TRPM3: variants seen among roughly 807,000 people sequenced by gnomAD.
TRPM3 encodes long transient receptor potential channel 3.
TRPM3 carries 77 observed loss-of-function variants against 181.2 expected under a neutral mutation model. That is an observed-to-expected ratio of 0.42 (90% CI 0.35 to 0.51). The LOEUF (loss-of-function observed/expected upper bound fraction) is 0.51. TRPM3 is among the 20% of genes least tolerant of loss of function. The probability of loss-of-function intolerance (pLI) is 0.01; values close to 1 mark genes in which losing one functional copy is unlikely to be tolerated. For synonymous variants in TRPM3, 745 were observed against 796.4 expected, an observed-to-expected ratio of 0.94 and a Z score of 1.09; for missense variants, 1,759 against 2,196.7, an observed-to-expected ratio of 0.80 and a Z score of 3.98.
chr9:71,047,605 A>G (rs1176901348), intron 1 of TRPM3, among the ~76,000 whole-genome samples: 2 of 152,218 alleles, frequency 1.3e-5, no homozygotes, highest in African/African-American at 4.8e-5. Flanking sequence ...CCTCTGGATA[A>G]GATGAACATG....
intron 1 of TRPM3, among the ~76,000 whole-genome samples, chr9:71,387,089 C>A (rs951984151): frequency 2.0e-5 from 3 of 151,930 alleles, no homozygotes; most frequent in South Asian, 2.1e-4. Context: ...GGGAAAGAGA[C>A]CGAGTATGAA....
intron 1 of TRPM3, among the ~76,000 whole-genome samples, chr9:70,903,864 C>CA (rs1204322915): frequency 1.3e-5 from 2 of 151,440 alleles, no homozygotes; most frequent in Non-Finnish European, 2.9e-5. Flanking sequence ...CTCAAGAATA[C>CA]AAAAAAGAAT....
chr9:71,230,433 T>G (rs990584643), intron 1 of TRPM3, among the ~76,000 whole-genome samples: 2 of 152,038 alleles, frequency 1.3e-5, no homozygotes, highest in African/African-American at 4.8e-5. Flanking sequence ...AGTCAATAAT[T>G]TAACTGTACA....
chr9:71,134,364 C>T (rs909020223), intron 1 of TRPM3, among the ~76,000 whole-genome samples: 2 of 151,910 alleles, frequency 1.3e-5, no homozygotes, highest in Non-Finnish European at 2.9e-5. Flanking sequence ...CCATCCTGGC[C>T]AACATGGTGA....
At chr9:70,700,068 C>T (rs1187551588) in intron 8 of TRPM3, among the ~76,000 whole-genome samples, 1 of 152,046 alleles carries the variant, frequency 6.6e-6, no homozygotes, top group Non-Finnish European at 1.5e-5. Flanking sequence ...CTGCAGTCTC[C>T]GCCTCCCGGG....
intron 1 of TRPM3, among the ~76,000 whole-genome samples, chr9:71,227,391 A>G (rs2080750625): frequency 6.6e-6 from 1 of 152,034 alleles, no homozygotes; most frequent in Non-Finnish European, 1.5e-5. Flanking sequence ...CCCTACACTG[A>G]AAAATAAGAA....
intron 12 of TRPM3, among the ~76,000 whole-genome samples, chr9:70,628,226 G>T (rs1351241717): frequency 6.6e-6 from 1 of 152,182 alleles, no homozygotes; most frequent in Non-Finnish European, 1.5e-5. Context: ...TAGCCACAGG[G>T]CTCCTATGGG....
rs191997501 is a variant in TRPM3, at chr9:70,890,771, C to A, written c.178-26260G>T. Among the ~76,000 whole-genome samples, 135 of 152,098 alleles carry A rather than the reference C, an allele frequency of 8.9e-4. 1 individual carries two copies. The highest frequency in any genetic ancestry group is 6.8e-3 in the Middle Eastern group (2 of 294). On this transcript the variant is annotated intron_variant, in intron 1 of 25. Transcript: ENST00000677713. ...TCATGGGATGCTATTGGAAAATATG[C>A]TCCGTAAACAGGAAAAAACATGGTA... is the stretch of plus-strand genomic sequence containing the variant.
intron 1 of TRPM3, among the ~76,000 whole-genome samples, chr9:70,923,921 T>C (rs62543181): frequency 1.9e-5 from 2 of 104,940 alleles, no homozygotes; most frequent in African/African-American, 2.9e-5. Context: ...TATATACATA[T>C]ATACACACAT....
At chr9:71,374,655 T>C (rs529696348) in intron 1 of TRPM3, among the ~76,000 whole-genome samples, 1 of 152,160 alleles carries the variant, frequency 6.6e-6, no homozygotes, top group Non-Finnish European at 1.5e-5. Flanking sequence ...GGAAGTCAAA[T>C]TGTCATTGTT....
chr9:71,158,193 T>C (rs767063067), intron 1 of TRPM3, among the ~76,000 whole-genome samples: 16 of 152,162 alleles, frequency 1.1e-4, no homozygotes, highest in Admixed American at 2.6e-4. Context: ...AAGCTTTACT[T>C]AGTCCAAAAT....
rs141237962 is a variant in TRPM3, at chr9:70,892,551, CTCAAG to C, written c.178-28045_178-28041del. ...TTTATACTTTTGGAGAGAAAAAAGT[CTCAAG>C]TCAATACATTGCTACTTCTTTAGGT... On this transcript the variant is annotated intron_variant, in intron 1 of 25. Coordinates refer to ENST00000677713, the MANE Select transcript of TRPM3 (RefSeq NM_001366145.2). Among the ~76,000 whole-genome samples, 615 of 149,514 alleles carry C rather than the reference CTCAAG, an allele frequency of 4.1e-3. 8 individuals are homozygous for C. The highest frequency in any genetic ancestry group is 0.015 in the African/African-American group (600 of 40,666).
intron 3 of TRPM3, among the ~76,000 whole-genome samples, chr9:70,855,608 C>G (rs1334873154): frequency 6.6e-6 from 1 of 152,158 alleles, no homozygotes; most frequent in African/African-American, 2.4e-5. Context: ...TAAATCTATT[C>G]TAACAATATT....
chr9:70,837,189 T>C (rs1402313028), intron 5 of TRPM3, among the ~76,000 whole-genome samples: 2 of 152,212 alleles, frequency 1.3e-5, no homozygotes, highest in Non-Finnish European at 2.9e-5. Flanking sequence ...TCTGAGCTTA[T>C]AATATGAAGT....
At chr9:70,782,015 C>A (rs1176706021) in intron 7 of TRPM3, among the ~76,000 whole-genome samples, 4 of 151,762 alleles carry the variant, frequency 2.6e-5, no homozygotes, top group Admixed American at 6.6e-5. Flanking sequence ...AACAAAAAAA[C>A]CCAGAAAAAC....
At chr9:70,833,133 A>G (rs2094061239) in intron 5 of TRPM3, among the ~76,000 whole-genome samples, 1 of 152,178 alleles carries the variant, frequency 6.6e-6, no homozygotes, top group Admixed American at 6.5e-5. Flanking sequence ...GCTCTTTTCA[A>G]GTTAACGCAG....
intron 1 of TRPM3, among the ~76,000 whole-genome samples, chr9:71,086,354 A>C (rs1035061773): frequency 2.6e-5 from 4 of 151,956 alleles, no homozygotes; most frequent in African/African-American, 9.7e-5. Flanking sequence ...AAAAAAAAGA[A>C]AGAATTTTTT....
chr9:70,813,021 G>T (rs1239884719), intron 6 of TRPM3, among the ~76,000 whole-genome samples: 4 of 152,206 alleles, frequency 2.6e-5, no homozygotes, highest in African/African-American at 9.6e-5. Context: ...AAGAAGAGCA[G>T]ACAAGGAGTT....
In TRPM3 at chr9:71,218,653, A is replaced by G. The variant is rs1287507704; in HGVS notation, c.183+228000T>C. 7.2e-5 allele frequency among the ~76,000 whole-genome samples: 11 copies of G among 152,334 alleles called. No individual in the cohort carries two copies. In the East Asian group the frequency reaches 1.7e-3, roughly 24 times the overall value. ...CTCATGCCTCATTCATCCAACACAC[A>G]TAACACATTTATTGACTACCTATTA... On this transcript the variant is annotated intron_variant, in intron 1 of 24. Coordinates refer to the TRPM3 transcript ENST00000357533.
Sources: allele counts gnomAD v4.1 joint callset (sites outside exome capture counted in the v4.1 genomes callset), GRCh38; gene constraint gnomAD v4.1.1; transcripts MANE v1.5; gene names NCBI Gene and HGNC (gene_info 2026-07-23, HGNC 2026-07-21).